The following COMMD10 variants were observed in gnomAD, a reference collection of about 807,000 sequenced individuals.
The protein encoded by COMMD10 is COMM domain containing 10.
In COMMD10, 33 loss-of-function variants were observed where a neutral mutation model predicts 28.9. The ratio of observed to expected loss-of-function variants is 1.14; its 90% CI spans 0.87 to 1.53. The LOEUF (loss-of-function observed/expected upper bound fraction) is 1.53. COMMD10 is among the 40% of genes most tolerant of loss of function. COMMD10 has a pLI of 0.00. For missense variants in COMMD10, 310 were observed against 233.4 expected (o/e 1.33, Z -2.14); for synonymous variants, 110 against 81.7 (o/e 1.35, Z -1.87).
At chr5:116,188,277 AAG>A (rs1371113904) in intron 5 of COMMD10, among the ~76,000 whole-genome samples, 1 of 152,152 alleles carries the variant, frequency 6.6e-6, no homozygotes, top group African/African-American at 2.4e-5. Flanking sequence ...ACTTGACTTA[AAG>A]TATGTTCTAC....
intron 5 of COMMD10, among the ~76,000 whole-genome samples, chr5:116,191,679 C>T (rs553985555): frequency 1.3e-5 from 2 of 151,700 alleles, no homozygotes; most frequent in South Asian, 4.2e-4. Context: ...CCTAGCCCTG[C>T]CCCCACTTGA....
intron 5 of COMMD10, among the ~76,000 whole-genome samples, chr5:116,201,994 G>C (rs1019576468): frequency 6.6e-6 from 1 of 150,714 alleles, no homozygotes; most frequent in African/African-American, 2.4e-5. Context: ...CCATTAACTC[G>C]TCATCTAGCA....
intron 5 of COMMD10, among the ~76,000 whole-genome samples, chr5:116,224,811 A>G (rs1455517135): frequency 1.3e-5 from 2 of 152,168 alleles, no homozygotes; most frequent in Non-Finnish European, 2.9e-5. Context: ...TTAATACTAA[A>G]TTTTGTTGGC....
intron 5 of COMMD10, among the ~76,000 whole-genome samples, chr5:116,276,120 G>A (rs1229100217): frequency 2.0e-5 from 3 of 151,416 alleles, no homozygotes; most frequent in Non-Finnish European, 2.9e-5. Flanking sequence ...GAAATCAGGC[G>A]AGGTTTTGCA....
chr5:116,197,972 C>A (rs530739992), intron 5 of COMMD10, among the ~76,000 whole-genome samples: 51 of 152,250 alleles, frequency 3.3e-4, no homozygotes, highest in African/African-American at 1.2e-3. Flanking sequence ...GAAGGCTTTA[C>A]AATCACTGAT....
intron 4 of COMMD10, among the ~76,000 whole-genome samples, chr5:116,098,160 A>G (rs1750525952): frequency 6.6e-6 from 1 of 152,178 alleles, no homozygotes. Context: ...ATATCATGCT[A>G]CCTCTGGCAG....
At chr5:116,085,178 G>A (rs1215318260) in intron 1 of COMMD10, 85 bp downstream of exon 1, 18 of 1,288,882 alleles carry the variant, frequency 1.4e-5, no homozygotes, top group East Asian at 2.8e-5. Context: ...GCTGCCTGCC[G>A]CCTGGGCGCC....
At chr5:116,201,416 A>G (rs896162668) in intron 5 of COMMD10, among the ~76,000 whole-genome samples, 12 of 152,114 alleles carry the variant, frequency 7.9e-5, no homozygotes, top group African/African-American at 2.7e-4. Flanking sequence ...ACAGTTGTCC[A>G]CACTGACTCC....
intron 5 of COMMD10, among the ~76,000 whole-genome samples, chr5:116,189,243 C>T (rs779041971): frequency 6.6e-6 from 1 of 152,094 alleles, no homozygotes; most frequent in Non-Finnish European, 1.5e-5. Context: ...AAAAGTGATG[C>T]AAAGACATAG....
chr5:116,180,982 G>C (rs1280520962), intron 5 of COMMD10, among the ~76,000 whole-genome samples: 1 of 151,912 alleles, frequency 6.6e-6, no homozygotes, highest in Non-Finnish European at 1.5e-5. Context: ...GTGAAACCCT[G>C]TTTCTACAAA....
At chr5:116,150,084 G>A (rs1331976931) in intron 5 of COMMD10, among the ~76,000 whole-genome samples, 1 of 152,122 alleles carries the variant, frequency 6.6e-6, no homozygotes, top group African/African-American at 2.4e-5. Flanking sequence ...TGGCTAGCCA[G>A]TTTCCCCAGC....
intron 5 of COMMD10, among the ~76,000 whole-genome samples, chr5:116,140,180 A>G (rs572541539): frequency 1.2e-4 from 18 of 150,614 alleles, no homozygotes; most frequent in African/African-American, 3.9e-4. Context: ...AGATTCATCC[A>G]TGTTGTTGCA....
chr5:116,285,277 C>T (rs541912368), intron 5 of COMMD10, among the ~76,000 whole-genome samples: 16 of 152,102 alleles, frequency 1.1e-4, no homozygotes, highest in African/African-American at 3.9e-4. Context: ...AAGATAACTT[C>T]TTGATATCTT....
Position 116,104,191 on chromosome 5 carries a change from A to G in COMMD10, c.399+11491A>G, listed in dbSNP as rs141526508. ...TTTTCCAATGCTGTGAGGAAAGTCA[A>G]TGGTAGCTTGATGGGGATAGCATTG... is the stretch of plus-strand genomic sequence containing the variant. On this transcript the variant is annotated intron_variant, in intron 4 of 6. Coordinates refer to ENST00000274458, the MANE Select transcript of COMMD10 (RefSeq NM_016144.4). Among the ~76,000 whole-genome samples the G allele has an allele frequency of 2.4e-3, 361 of 152,272 alleles. 4 individuals carry two copies. In the East Asian group the frequency reaches 0.026, roughly 11 times the overall value.
intron 5 of COMMD10, among the ~76,000 whole-genome samples, chr5:116,223,978 G>A (rs948463118): frequency 6.6e-6 from 1 of 152,068 alleles, no homozygotes; most frequent in African/African-American, 2.4e-5. Flanking sequence ...CATGTGTTTG[G>A]AGCAGCATTA....
intron 4 of COMMD10, among the ~76,000 whole-genome samples, chr5:116,122,351 T>G (rs1751461886): frequency 6.6e-6 from 1 of 152,246 alleles, no homozygotes; most frequent in South Asian, 2.1e-4. Context: ...ATCTCTGTTT[T>G]GGTACCAGTA....
At chr5:116,160,890 G>C (rs1002405791) in intron 5 of COMMD10, among the ~76,000 whole-genome samples, 9 of 152,132 alleles carry the variant, frequency 5.9e-5, no homozygotes, top group Admixed American at 1.3e-4. Flanking sequence ...GCCAGTTGGT[G>C]AACCTGTGCT....
intron 5 of COMMD10, among the ~76,000 whole-genome samples, chr5:116,258,608 T>G (rs1750355432): frequency 6.6e-6 from 1 of 151,844 alleles, no homozygotes. Context: ...TCATTTTATC[T>G]TAGATCTTTG....
intron 5 of COMMD10, among the ~76,000 whole-genome samples, chr5:116,207,353 C>T (rs1396756182): frequency 6.6e-6 from 1 of 152,004 alleles, no homozygotes; most frequent in Non-Finnish European, 1.5e-5. Context: ...TGAATAATTC[C>T]CTTTCTTAGA....
Sources: gnomAD v4.1 joint callset for allele counts (sites outside exome capture counted in the v4.1 genomes callset) on GRCh38, gnomAD v4.1.1 for gene constraint, MANE v1.5 for transcripts, NCBI Gene and HGNC (gene_info 2026-07-23, HGNC 2026-07-21) for gene names.